The following PLEKHG5 variants were observed in gnomAD, a reference collection of about 807,000 sequenced individuals.
PLEKHG5 encodes pleckstrin homology domain-containing family G member 5.
PLEKHG5 carries 52 observed loss-of-function variants against 103.8 expected under a neutral mutation model. The ratio of observed to expected loss-of-function variants is 0.50; its 90% CI spans 0.40 to 0.63. The LOEUF is 0.63. Among genes scored for constraint, PLEKHG5 ranks in the 30% least tolerant of loss-of-function variants. The probability of loss-of-function intolerance (pLI) is 0.00; values close to 1 mark genes in which losing one functional copy is unlikely to be tolerated. For missense variants in PLEKHG5, 1,205 were observed against 1,347.6 expected (o/e 0.89, Z 1.66); for synonymous variants, 592 against 575.5 (o/e 1.03, Z -0.41).
At chr1:6,518,135 T>C (rs990479488) in intron 1 of PLEKHG5, among the ~76,000 whole-genome samples, 1 of 151,466 alleles carries the variant, frequency 6.6e-6, no homozygotes, top group Non-Finnish European at 1.5e-5. Context: ...GGTTTCACCA[T>C]GTTAGCCAGG....
upstream of PLEKHG5, among the ~76,000 whole-genome samples, chr1:6,499,983 T>A (rs763538984): frequency 1.3e-5 from 2 of 152,042 alleles, no homozygotes; most frequent in Non-Finnish European, 2.9e-5. Context: ...AATTTTTTTA[T>A]AGCAACGGAG....
At chr1:6,472,934 G>T in intron 9 of PLEKHG5, 52 bp downstream of exon 9, 3 of 1,554,712 alleles carry the variant, frequency 1.9e-6, no homozygotes, top group East Asian at 4.5e-5. Flanking sequence ...TCCTCCCGAG[G>T]GCTGTCCTCC....
At chr1:6,519,011 T>G (rs1229118192) in intron 1 of PLEKHG5, among the ~76,000 whole-genome samples, 2 of 152,090 alleles carry the variant, frequency 1.3e-5, no homozygotes, top group African/African-American at 4.8e-5. Flanking sequence ...CCCAGCTAAT[T>G]TTTTGTATTT....
In PLEKHG5 at chr1:6,469,670, C is replaced by T; in HGVS notation, c.1807G>A (p.Val603Met). The part of the protein sequence containing the change: ...MKEGKDSKMD[V>M]YCFLFTDLLL... ...AGATCCGTGAAGAGGAAGCAGTACA[C>T]ATCCATCTGCAGTGGCAGGAGGGGG... Residue 603 changes from valine (V) to methionine (M), a missense_variant, in exon 17 of 21, where the codon GTG becomes ATG. By Grantham distance (21) the Val-to-Met change is conservative. Coordinates refer to ENST00000377728, the MANE Select transcript of PLEKHG5 (RefSeq NM_020631.6). 3.7e-6 allele frequency: 6 copies of T among 1,612,904 alleles called. No individual in the cohort carries two copies. The highest frequency in any genetic ancestry group is 5.1e-6 in the Non-Finnish European group (6 of 1,179,798).
At chr1:6,511,831 T>C (rs1638480145) in intron 1 of PLEKHG5, among the ~76,000 whole-genome samples, 1 of 152,082 alleles carries the variant, frequency 6.6e-6, no homozygotes, top group African/African-American at 2.4e-5. Context: ...ATGGCCTGAA[T>C]AGAGGAAGGG....
chr1:6,517,649 A>T (rs1638660662), intron 1 of PLEKHG5, among the ~76,000 whole-genome samples: 1 of 152,272 alleles, frequency 6.6e-6, no homozygotes, highest in African/African-American at 2.4e-5. Flanking sequence ...CTTGCTGGGG[A>T]GGGGATGGCC....
intron 7 of PLEKHG5, among the ~76,000 whole-genome samples, chr1:6,473,785 C>T (rs1346104205): frequency 6.6e-6 from 1 of 152,300 alleles, no homozygotes; most frequent in African/African-American, 2.4e-5. Context: ...GGTTCCCTGA[C>T]CCCTGGCACT....
chr1:6,469,157 C>T lies in PLEKHG5; in HGVS notation c.2134G>A (p.Glu712Lys). Residue 712 changes from glutamate (E) to lysine (K), a missense_variant, in exon 19 of 21, where the codon GAG (glutamate) becomes AAG (lysine). By Grantham distance (56) the Glu-to-Lys change is moderately conservative. Transcript: ENST00000377728. ...TCCTCCTCCTCCTCCTCTTCCTCCT[C>T]CTGCTCATCCTCCTCCTCTTCCAGG... Reference protein sequence around the residue: ...QSLEEEEDEQEEEEEEEEEEE... With the variant: ...QSLEEEEDEQKEEEEEEEEEE... 1 of 1,612,764 alleles carries T rather than the reference C, an allele frequency of 6.2e-7. No homozygotes were observed. The highest frequency in any genetic ancestry group is 8.5e-7 in the Non-Finnish European group (1 of 1,179,662).
chr1:6,519,424 A>C, intron 1 of PLEKHG5: 1 of 1,592,310 alleles, frequency 6.3e-7, no homozygotes, highest in South Asian at 1.1e-5. Flanking sequence ...TCTAGACAAA[A>C]GAGATAGAAA....
At chr1:6,485,705 C>CCCGCCTCT in intron 1 of PLEKHG5, 1 of 335,826 alleles carries the variant, frequency 3.0e-6, no homozygotes, top group African/African-American at 2.2e-5. Context: ...CCCCCGCCTC[C>CCCGCCTCT]CCGCCTCTGC....
At position 6,487,855 on chromosome 1, in the gene PLEKHG5, C is replaced by T. The variant is rs888235120; in HGVS notation, c.-88+3782G>A. ...TCTGCATCTCACTGTGTCCTCGGCA[C>T]TTAGAACAGTCCTGGTGCACAGTAG... On this transcript the variant is annotated intron_variant, in intron 1 of 20. Transcript: ENST00000377728. The surrounding 1 kb of genome is among the most constrained non-coding windows in gnomAD (Gnocchi z 4.1). Among the ~76,000 whole-genome samples, 3 of 152,236 alleles carry T rather than the reference C, an allele frequency of 2.0e-5. No homozygotes were observed. The highest frequency in any genetic ancestry group is 7.2e-5 in the African/African-American group (3 of 41,454).
intron 1 of PLEKHG5, among the ~76,000 whole-genome samples, chr1:6,511,478 G>T (rs1201778122): frequency 6.6e-6 from 1 of 152,250 alleles, no homozygotes; most frequent in Non-Finnish European, 1.5e-5. Flanking sequence ...AGCCTGGCAA[G>T]CCCGAGAGAA....
chr1:6,471,273 C>T (rs376979541), intron 12 of PLEKHG5, 173 bp from the exon 13 acceptor site: 41 of 767,348 alleles, frequency 5.3e-5, no homozygotes, highest in East Asian at 3.0e-4. Context: ...GCCAAAGTGA[C>T]CACCCGTGGC....
chr1:6,483,188 G>A (rs1423007067), intron 1 of PLEKHG5, among the ~76,000 whole-genome samples: 1 of 152,238 alleles, frequency 6.6e-6, no homozygotes, highest in African/African-American at 2.4e-5. Context: ...ACAGGGCACA[G>A]GACTGGCAGT....
In PLEKHG5 at chr1:6,475,969, C is replaced by T. The variant is rs1244644253; in HGVS notation, c.111G>A (p.Leu37=). ...CPPRTSPAVD[L]EEEEEESSVD... is the part of the protein sequence containing the mutation. ...CAGAGCTCTCCTCCTCCTCCTCCTC[C>T]AAGTCCACTGCGGGGCTGGTGCGCG... is the stretch of plus-strand genomic sequence containing the variant. Residue 37 remains leucine (L), a synonymous_variant, in exon 3 of 21, where the codon TTG becomes TTA. Transcript: ENST00000377728. 6.2e-7 allele frequency: 1 copy of T among 1,614,062 alleles called. No individual in the cohort carries two copies. Among genetic ancestry groups the T allele is most frequent in the Admixed American group, 1.7e-5 (1 of 60,036 alleles).
intron 1 of PLEKHG5, among the ~76,000 whole-genome samples, chr1:6,484,465 G>T (rs1644975628): frequency 2.0e-5 from 3 of 152,204 alleles, no homozygotes. Context: ...GAGCAGATCT[G>T]GTTGACGATG....
chr1:6,511,086 CAA>C (rs34803463), intron 1 of PLEKHG5, among the ~76,000 whole-genome samples: 4 of 142,942 alleles, frequency 2.8e-5, no homozygotes, highest in Non-Finnish European at 4.6e-5. Context: ...GAAACTGTGT[CAA>C]AAAAAAAAAA....
chr1:6,506,469 G>A (rs1051129296), intron 1 of PLEKHG5, among the ~76,000 whole-genome samples: 5 of 152,346 alleles, frequency 3.3e-5, no homozygotes, highest in African/African-American at 7.2e-5. Flanking sequence ...GTCTGGGGAC[G>A]ACAGAGGCCC....
In PLEKHG5 at chr1:6,472,556, A is replaced by G. The variant is rs1569865241; in HGVS notation, c.1051T>C (p.Tyr351His). 1.2e-6 allele frequency: 2 copies of G among 1,613,612 alleles called. No individual in the cohort carries two copies. The highest frequency in any genetic ancestry group is 8.5e-7 in the Non-Finnish European group (1 of 1,179,740). Reference protein sequence around the residue: ...VWELLHTEASYIRKLRVIINL... With the variant: ...VWELLHTEASHIRKLRVIINL... ...ATGATCACCCGCAGTTTCCTGATGT[A>G]GGAGGCCTCCGTGTGCAGCAGCTCC... The change falls in exon 10 of 21, where the codon TAC (tyrosine) becomes CAC (histidine). Residue 351 changes from tyrosine to histidine, a missense_variant. Coordinates refer to ENST00000377728, the MANE Select transcript of PLEKHG5 (RefSeq NM_020631.6).
Sources: allele counts gnomAD v4.1 joint callset (sites outside exome capture counted in the v4.1 genomes callset), GRCh38; gene constraint gnomAD v4.1.1; non-coding constraint Gnocchi (gnomAD v3.1); transcripts MANE v1.5; gene names NCBI Gene and HGNC (gene_info 2026-07-23, HGNC 2026-07-21).